Variants in KIFC3 observed in about 807,000 individuals in gnomAD.
The protein encoded by KIFC3 is kinesin-like protein KIFC3.
A neutral mutation model predicts 101.8 loss-of-function variants in KIFC3; 60 were observed. The observed-to-expected ratio is 0.59, with a 90% CI of 0.48 to 0.73. The LOEUF (loss-of-function observed/expected upper bound fraction) is 0.73. Among genes scored for constraint, KIFC3 ranks in the 30% least tolerant of loss-of-function variants. The pLI, the probability that KIFC3 is intolerant of heterozygous loss-of-function variation, is 0.00. For missense variants in KIFC3, 966 were observed against 1,137.1 expected, an observed-to-expected ratio of 0.85 and a Z score of 2.16; for synonymous variants, 476 against 482.7, an observed-to-expected ratio of 0.99 and a Z score of 0.18.
Position 57,769,990 on chromosome 16 carries a change from G to C in KIFC3, c.940-35C>G. On this transcript the variant is annotated intron_variant, in intron 7 of 19. Coordinates refer to ENST00000445690, the MANE Select transcript of KIFC3 (RefSeq NM_001130100.2). This position sits in a 1 kb window ranked among gnomAD's most constrained non-coding sequence, Gnocchi z 4.3. ...CCAGGAAAAGGCTCAGTACCTCGAG[G>C]TGCGGGAGAGAGAGGGGCAGGTGCC... The C allele has an allele frequency of 6.3e-7, 1 of 1,596,076 alleles. No individual in the cohort carries two copies. The highest frequency in any genetic ancestry group is 8.5e-7 in the Non-Finnish European group (1 of 1,175,236).
intron 1 of KIFC3, among the ~76,000 whole-genome samples, chr16:57,858,291 A>G (rs2056222263): frequency 6.6e-6 from 1 of 152,174 alleles, no homozygotes; most frequent in Non-Finnish European, 1.5e-5. Context: ...TGTCCATTAT[A>G]TGTCTTCCCG....
intron 1 of KIFC3, among the ~76,000 whole-genome samples, chr16:57,810,141 C>T (rs1230514255): frequency 6.6e-6 from 1 of 152,142 alleles, no homozygotes; most frequent in African/African-American, 2.4e-5. Context: ...GCTCTCACAC[C>T]CTGGCACTTC....
chr16:57,775,633 A>T, intron 3 of KIFC3: 1 of 985,572 alleles, frequency 1.0e-6, no homozygotes, highest in Non-Finnish European at 1.2e-6. Context: ...CACTCACCGC[A>T]GCTTCCAGCC....
chr16:57,813,962 G>A (rs1370430099), intron 1 of KIFC3: 2 of 639,234 alleles, frequency 3.1e-6, no homozygotes, highest in Non-Finnish European at 3.9e-6. Flanking sequence ...TGTACATCCC[G>A]CTACTGTCCT....
chr16:57,832,099 C>T (rs1480430468), intron 1 of KIFC3, among the ~76,000 whole-genome samples: 32 of 152,218 alleles, frequency 2.1e-4, no homozygotes, highest in Admixed American at 1.9e-3. Context: ...TGGCTCACTG[C>T]AACATCCACC....
intron 3 of KIFC3, chr16:57,782,304 T>C (rs920786796): frequency 1.1e-4 from 24 of 224,692 alleles, no homozygotes; most frequent in African/African-American, 5.6e-4. Flanking sequence ...AGCTGGCACA[T>C]GGCACAGCCA....
rs538130020 is a variant in KIFC3 at position 57,782,570 on chromosome 16, G to A, written c.316-10282C>T. 1.2e-3 allele frequency among the ~76,000 whole-genome samples: 186 copies of A among 152,286 alleles called. 1 individual carries two copies. The highest frequency in any genetic ancestry group is 4.4e-3 in the African/African-American group (183 of 41,566). On this transcript the variant is annotated intron_variant, in intron 3 of 19. Transcript: ENST00000445690. ...TGGTTGGCCACATCTCCACAAGGTC[G>A]GGCCCTCCAGAGTATCTCAGAGACC...
At chr16:57,828,678 T>A (rs2055509701) in intron 1 of KIFC3, among the ~76,000 whole-genome samples, 1 of 152,210 alleles carries the variant, frequency 6.6e-6, no homozygotes, top group South Asian at 2.1e-4. Context: ...TGCTTTATGA[T>A]GCTGGAGCAG....
chr16:57,845,184 A>G (rs1293011594), intron 1 of KIFC3, among the ~76,000 whole-genome samples: 2 of 152,106 alleles, frequency 1.3e-5, no homozygotes, highest in East Asian at 3.9e-4. Context: ...GCATCCTTTC[A>G]GTGACTCCGT....
chr16:57,767,079 C>T lies in KIFC3; in HGVS notation c.1219-94G>A, dbSNP rs957664288. The T allele has an allele frequency of 2.6e-5, 25 of 944,774 alleles. No individual in the cohort carries two copies. In the African/African-American group the frequency reaches 2.9e-4, roughly 11 times the overall value. 58.5% of individuals were successfully genotyped at this position (944,774 alleles called of 1,614,324 possible). A position where few individuals can be genotyped will look rare whatever the true frequency, so the allele number is the denominator to read the frequency against. On this transcript the variant is annotated intron_variant, in intron 9 of 19. Transcript: ENST00000445690. ...CTGAGGGGTGCTCACTGCCTCCTGC[C>T]CCTGGCTGAGTACCTGACACACGCT...
At chr16:57,807,929 T>TAAAAAAAAAAAAA (rs58392665), upstream of KIFC3, 1 of 81,552 alleles carries the variant, frequency 1.2e-5, no homozygotes, top group Non-Finnish European at 2.3e-5. Context: ...GATCCTGTCT[T>TAAAAAAAAAAAAA]AAAAAAAAAA....
chr16:57,862,256 T>C (rs1231791820), intron 1 of KIFC3, among the ~76,000 whole-genome samples: 1 of 149,088 alleles, frequency 6.7e-6, no homozygotes, highest in Non-Finnish European at 1.5e-5. Context: ...ACTCTTGAGC[T>C]CAAGTGATCC....
chr16:57,839,829 CA>C (rs1181145522), intron 1 of KIFC3, among the ~76,000 whole-genome samples: 1 of 152,016 alleles, frequency 6.6e-6, no homozygotes, highest in Non-Finnish European at 1.5e-5. Flanking sequence ...TCTAAAATTC[CA>C]TCATTCTTGA....
chr16:57,804,106 C>T (rs2054875846), upstream of KIFC3, among the ~76,000 whole-genome samples: 1 of 152,076 alleles, frequency 6.6e-6, no homozygotes, highest in Non-Finnish European at 1.5e-5. Context: ...AAAGCCAAAG[C>T]CAGATTTTTA....
intron 1 of KIFC3, among the ~76,000 whole-genome samples, chr16:57,833,481 G>A (rs1430341172): frequency 6.6e-6 from 1 of 152,188 alleles, no homozygotes; most frequent in Non-Finnish European, 1.5e-5. Flanking sequence ...GGGAGCAGAG[G>A]TGTGCTCTCC....
chr16:57,775,871 T>C, intron 3 of KIFC3: 5 of 985,388 alleles, frequency 5.1e-6, no homozygotes, highest in Non-Finnish European at 6.0e-6. Context: ...GCGACACTCC[T>C]CCCGGGCCCA....
chr16:57,807,885 G>A (rs8056530), upstream of KIFC3: 134,919 of 147,746 alleles, frequency 0.91, 61,973 homozygotes, highest in Middle Eastern at 0.97. Context: ...AGCTATGATC[G>A]TGTCACTGTA....
intron 1 of KIFC3, among the ~76,000 whole-genome samples, chr16:57,857,472 G>A (rs936565261): frequency 6.0e-5 from 9 of 150,702 alleles, no homozygotes; most frequent in Non-Finnish European, 7.4e-5. Context: ...AGGTATACAC[G>A]TGTCATGGTG....
chr16:57,780,578 T>TA (rs1400337211), intron 3 of KIFC3, among the ~76,000 whole-genome samples: 187 of 140,198 alleles, frequency 1.3e-3, no homozygotes, highest in African/African-American at 3.8e-3. Context: ...TAAAATGATT[T>TA]AAAAAAAAAA....
Sources: allele counts gnomAD v4.1 joint callset (sites outside exome capture counted in the v4.1 genomes callset), GRCh38; gene constraint gnomAD v4.1.1; non-coding constraint Gnocchi (gnomAD v3.1); transcripts MANE v1.5; gene names NCBI Gene and HGNC (gene_info 2026-07-23, HGNC 2026-07-21).